USH2A: variants seen among roughly 807,000 people sequenced by gnomAD.
The protein encoded by USH2A is Usher syndrome 2A (autosomal recessive, mild).
Under a neutral mutation model 538.9 loss-of-function variants are expected in USH2A, and 443 were observed. The observed-to-expected ratio is 0.82, with a 90% CI of 0.76 to 0.89. The LOEUF (loss-of-function observed/expected upper bound fraction) is 0.89. USH2A is among the 40% of genes least tolerant of loss of function. USH2A has a pLI of 0.00. For missense variants in USH2A, 6,633 were observed against 6,324.8 expected (o/e 1.05, Z -1.65); for synonymous variants, 2,413 against 2,273.5 (o/e 1.06, Z -1.75).
chr1:215,885,484 A>C (rs1665027536), intron 41 of USH2A, among the ~76,000 whole-genome samples: 1 of 152,218 alleles, frequency 6.6e-6, no homozygotes, highest in African/African-American at 2.4e-5. Context: ...CAACCTTATA[A>C]AATGAAATAC....
chr1:216,320,014 G>T (rs538153558), intron 9 of USH2A, among the ~76,000 whole-genome samples: 1 of 152,190 alleles, frequency 6.6e-6, no homozygotes, highest in East Asian at 1.9e-4. Context: ...AAGCTAAAAT[G>T]CACTAACATA....
intron 15 of USH2A, among the ~76,000 whole-genome samples, chr1:216,210,818 TA>T (rs2035224108): frequency 6.6e-6 from 1 of 151,940 alleles, no homozygotes; most frequent in African/African-American, 2.4e-5. Context: ...CCGTCTCTAC[TA>T]AAAATACAAA....
At chr1:215,752,573 A>AAACACC in intron 58 of USH2A, among the ~76,000 whole-genome samples, 1 of 152,182 alleles carries the variant, frequency 6.6e-6, no homozygotes, top group Non-Finnish European at 1.5e-5. Flanking sequence ...AGTCACGTCT[A>AAACACC]TTCCTTCTAG....
At chr1:216,373,342 A>G (rs2038751833) in intron 3 of USH2A, among the ~76,000 whole-genome samples, 1 of 152,112 alleles carries the variant, frequency 6.6e-6, no homozygotes, top group Admixed American at 6.6e-5. Flanking sequence ...TCCACCAAAT[A>G]TTTCCCTGTT....
intron 32 of USH2A, among the ~76,000 whole-genome samples, chr1:216,033,958 A>T (rs1669185685): frequency 6.6e-6 from 1 of 152,230 alleles, no homozygotes; most frequent in Non-Finnish European, 1.5e-5. Flanking sequence ...AAAGATAAAA[A>T]ACTCAGAAAA....
intron 12 of USH2A, among the ~76,000 whole-genome samples, chr1:216,249,806 C>T (rs916760240): frequency 5.3e-5 from 8 of 152,014 alleles, no homozygotes; most frequent in Middle Eastern, 3.4e-3. Flanking sequence ...AGGTATATCA[C>T]AGAAATGAAA....
intron 9 of USH2A, among the ~76,000 whole-genome samples, chr1:216,321,330 T>C (rs2037605229): frequency 6.6e-6 from 1 of 152,118 alleles, no homozygotes; most frequent in South Asian, 2.1e-4. Flanking sequence ...AAGCTAAAAT[T>C]CCACCTCAAC....
chr1:216,096,117 G>A (rs901289430), intron 22 of USH2A, among the ~76,000 whole-genome samples: 1 of 152,118 alleles, frequency 6.6e-6, no homozygotes, highest in African/African-American at 2.4e-5. Flanking sequence ...CAACTGTTCA[G>A]TGCTTTCTCA....
At chr1:216,059,520 T>G (rs1558236219) in intron 30 of USH2A, among the ~76,000 whole-genome samples, 1 of 152,236 alleles carries the variant, frequency 6.6e-6, no homozygotes, top group Non-Finnish European at 1.5e-5. Flanking sequence ...CTGGATAGCA[T>G]CCTTTGCCTA....
chr1:215,644,773 G>A (rs1255372289), intron 67 of USH2A, among the ~76,000 whole-genome samples: 2 of 152,216 alleles, frequency 1.3e-5, no homozygotes, highest in Non-Finnish European at 2.9e-5. Context: ...GGAAGTTAAA[G>A]AGTAAGTGGA....
chr1:215,674,364 C>G lies in USH2A; in HGVS notation c.13547G>C (p.Gly4516Ala), dbSNP rs774759345. The change falls in exon 63 of 72, where the codon GGG becomes GCG. Residue 4516 changes from glycine to alanine, a missense_variant. By Grantham distance (60) the Gly-to-Ala change is moderately conservative. Transcript: ENST00000307340. ...SYTVTASNSQ[G>A]GILSPLVKDR... ...TTTGACAAGAGGACTCAAAATACCC[C>G]CTTGGCTGTTGCTGGCAGTTACTGT... 3.1e-6 allele frequency: 5 copies of G among 1,613,886 alleles called. No homozygotes were observed. The highest frequency in any genetic ancestry group is 4.2e-6 in the Non-Finnish European group (5 of 1,179,972).
At chr1:215,979,862 T>C (rs1253087947) in intron 35 of USH2A, among the ~76,000 whole-genome samples, 1 of 152,218 alleles carries the variant, frequency 6.6e-6, no homozygotes, top group African/African-American at 2.4e-5. Context: ...CTTACCCTTC[T>C]GTTCCTGGTT....
In USH2A at chr1:215,624,014, C is replaced by G. The variant is rs1188048308; in HGVS notation, c.*1767G>C. 6.6e-6 allele frequency: 1 copy of G among 152,080 alleles called. No homozygotes were observed. The highest frequency in any genetic ancestry group is 1.9e-4 in the East Asian group (1 of 5,192). 9.4% of individuals were successfully genotyped at this position (152,080 alleles called of 1,614,324 possible). ...CAGCCTTGGTTAATGCTTATTTGTG[C>G]CAGCTTTAAACAACTTTATTGTCCC... On this transcript the variant is annotated 3_prime_UTR_variant, in exon 72 of 72. Transcript: ENST00000307340.
intron 15 of USH2A, among the ~76,000 whole-genome samples, chr1:216,209,600 C>A (rs995003579): frequency 6.6e-6 from 1 of 152,152 alleles, no homozygotes; most frequent in Admixed American, 6.5e-5. Flanking sequence ...CAAATTATTA[C>A]ATTTTAAGAC....
At chr1:216,364,178 C>T (rs1006864740) in intron 4 of USH2A, among the ~76,000 whole-genome samples, 1 of 151,714 alleles carries the variant, frequency 6.6e-6, no homozygotes, top group African/African-American at 2.4e-5. Context: ...TCTTCTTAAA[C>T]TATATGGCCC....
chr1:216,095,198 A>G (rs17026074), intron 22 of USH2A, among the ~76,000 whole-genome samples: 6,618 of 151,680 alleles, frequency 0.044, 476 homozygotes, highest in African/African-American at 0.15. Flanking sequence ...CTTTTTCTTG[A>G]GCATGTGCTT....
chr1:215,949,353 A>C (rs1054282695), intron 37 of USH2A, among the ~76,000 whole-genome samples: 1 of 152,092 alleles, frequency 6.6e-6, no homozygotes, highest in African/African-American at 2.4e-5. Context: ...TGTAAGTTTC[A>C]GAAGAATTAA....
At chr1:216,230,042 T>A (rs1345012612) in intron 14 of USH2A, among the ~76,000 whole-genome samples, 1 of 152,168 alleles carries the variant, frequency 6.6e-6, no homozygotes, top group Non-Finnish European at 1.5e-5. Context: ...CTGGGAAGAC[T>A]GACAAAGGGG....
intron 61 of USH2A, among the ~76,000 whole-genome samples, chr1:215,726,934 T>C (rs1298399954): frequency 6.6e-6 from 1 of 152,210 alleles, no homozygotes; most frequent in Admixed American, 6.5e-5. Flanking sequence ...TTTCCCCTTA[T>C]GTGCAATTCT....
Sources: allele counts gnomAD v4.1 joint callset (sites outside exome capture counted in the v4.1 genomes callset), GRCh38; gene constraint gnomAD v4.1.1; transcripts MANE v1.5; gene names NCBI Gene and HGNC (gene_info 2026-07-23, HGNC 2026-07-21).